The following TIMM23 variants were observed in gnomAD, a reference collection of about 807,000 sequenced individuals.
TIMM23 encodes translocase of inner mitochondrial membrane 23.
In TIMM23, 19 loss-of-function variants were observed where a neutral mutation model predicts 30.7. The ratio of observed to expected loss-of-function variants is 0.62; its 90% CI spans 0.43 to 0.91. TIMM23 has a LOEUF of 0.91. TIMM23 is among the 40% of genes least tolerant of loss of function. The pLI is 0.00. For missense variants in TIMM23, 202 were observed against 269.2 expected (o/e 0.75, Z 1.75); for synonymous variants, 78 against 98.5 (o/e 0.79, Z 1.23).
rs1243744392 is a variant in TIMM23 at position 45,982,545 on chromosome 10, C to T, written c.188C>T (p.Pro63Leu). The T allele has an allele frequency of 6.2e-7, 1 of 1,613,724 alleles. No individual in the cohort carries two copies. The highest frequency in any genetic ancestry group is 1.3e-5 in the African/African-American group (1 of 74,862). The change falls in exon 3 of 7, where the codon CCT becomes CTT. Residue 63 changes from proline (P) to leucine (L), a missense_variant. By Grantham distance (98) the Pro-to-Leu change is moderately conservative. Coordinates refer to ENST00000580018, the MANE Select transcript of TIMM23 (RefSeq NM_006327.4). ...LVQDTDEFIL[P>L]TGANKTRGRF... ...TAGGATACAGATGAGTTTATTTTACCTACCGGAGCTAATAAAACCCGGGGC... is the reference window on the plus strand; with the variant it reads ...TAGGATACAGATGAGTTTATTTTACTTACCGGAGCTAATAAAACCCGGGGC...
chr10:45,972,704 C>T lies in TIMM23; in HGVS notation c.80C>T (p.Ser27Leu), dbSNP rs1554911994. 1.2e-6 allele frequency: 2 copies of T among 1,613,956 alleles called. No individual in the cohort carries two copies. Among genetic ancestry groups the T allele is most frequent in the Admixed American group, 1.7e-5 (1 of 60,014 alleles). The change falls in exon 1 of 7, where the codon TCG becomes TTG. Residue 27 changes from serine (S) to leucine (L), a missense_variant. Physicochemically the swap from Ser to Leu is moderately radical, Grantham distance 145. Coordinates refer to ENST00000580018, the MANE Select transcript of TIMM23 (RefSeq NM_006327.4). The stretch of plus-strand genomic sequence containing the variant: ...TTCGGAGCCGGCGGAGCAGGTTACT[C>T]GCACGCGGATTTGGCTGGCGTCCCG... Reference protein sequence around the residue: ...GFFGAGGAGYSHADLAGVPLT... With the variant: ...GFFGAGGAGYLHADLAGVPLT...
intron 6 of TIMM23, among the ~76,000 whole-genome samples, chr10:46,001,337 A>G (rs369869641): frequency 6.6e-6 from 1 of 152,258 alleles, no homozygotes; most frequent in East Asian, 1.9e-4. Flanking sequence ...TGGGTTTCTT[A>G]AAAATGTTTT....
chr10:45,990,473 G>A (rs1334520790), intron 6 of TIMM23, among the ~76,000 whole-genome samples: 13 of 151,194 alleles, frequency 8.6e-5, no homozygotes, highest in African/African-American at 3.2e-4. Flanking sequence ...CCAGGCTGGA[G>A]TGCAGTGGCA....
At chr10:45,980,766 A>G (rs10909664) in intron 2 of TIMM23, among the ~76,000 whole-genome samples, 37 of 152,140 alleles carry the variant, frequency 2.4e-4, no homozygotes, top group African/African-American at 7.5e-4. Context: ...TATACATTCA[A>G]TATATTAACA....
At chr10:45,994,991 G>T (rs1400029094) in intron 6 of TIMM23, among the ~76,000 whole-genome samples, 4 of 151,898 alleles carry the variant, frequency 2.6e-5, no homozygotes, top group Non-Finnish European at 5.9e-5. Context: ...ACATTGATTT[G>T]CCTTTGTTAG....
Position 46,003,412 on chromosome 10 carries a change from A to C in TIMM23, c.*94A>C. 1 of 883,290 alleles carries C rather than the reference A, an allele frequency of 1.1e-6. No homozygotes were observed. The highest frequency in any genetic ancestry group is 1.8e-6 in the Non-Finnish European group (1 of 569,010). The allele number at this position is 883,290 out of a possible 1,614,324, so 54.7% of individuals were successfully genotyped here. On this transcript the variant is annotated 3_prime_UTR_variant, in exon 7 of 7. Transcript: ENST00000580018. The stretch of plus-strand genomic sequence containing the variant: ...AGTTATTCTCTCTCTTCTACCTACA[A>C]TTAGTTTGAAAAATTGGAGATTTTG...
At chr10:45,991,136 A>T (rs1554915658) in intron 6 of TIMM23, among the ~76,000 whole-genome samples, 1 of 152,230 alleles carries the variant, frequency 6.6e-6, no homozygotes, top group African/African-American at 2.4e-5. Context: ...AATAAATAAC[A>T]GTTGAGCCAG....
chr10:45,982,085 T>G (rs1271031624), intron 2 of TIMM23, among the ~76,000 whole-genome samples: 4 of 152,180 alleles, frequency 2.6e-5, no homozygotes, highest in African/African-American at 9.7e-5. Context: ...TCCAAACTGT[T>G]GTACTTTATT....
chr10:45,994,917 A>G, intron 6 of TIMM23, among the ~76,000 whole-genome samples: 1 of 152,124 alleles, frequency 6.6e-6, no homozygotes, highest in South Asian at 2.1e-4. Flanking sequence ...TTGTATTCCC[A>G]CCACACAAAA....
chr10:45,998,831 CTT>C (rs35752006), intron 6 of TIMM23, among the ~76,000 whole-genome samples: 14,596 of 125,126 alleles, frequency 0.12, 881 homozygotes, highest in African/African-American at 0.22. Flanking sequence ...TCCCAAATAT[CTT>C]TTTTTTTTTT....
At chr10:45,974,997 G>A (rs1461784917) in intron 1 of TIMM23, among the ~76,000 whole-genome samples, 1 of 151,916 alleles carries the variant, frequency 6.6e-6, no homozygotes, top group African/African-American at 2.4e-5. Context: ...AGTAATATGT[G>A]AAGGAACTGC....
Position 45,975,385 on chromosome 10 carries a change from G to A in TIMM23, c.107-69G>A, listed in dbSNP as rs1298916609. 4.5e-6 allele frequency: 7 copies of A among 1,559,730 alleles called. No individual in the cohort carries two copies. In the Admixed American group the frequency reaches 1.1e-4, roughly 25 times the overall value. On this transcript the variant is annotated intron_variant, in intron 1 of 6. Transcript: ENST00000580018. ...TTGCAAACACATGTAACAGTCAGGAGCTGGATTAACTCTAACTGGATTAAC... is the reference window on the plus strand; with the variant it reads ...TTGCAAACACATGTAACAGTCAGGAACTGGATTAACTCTAACTGGATTAAC...
At chr10:46,001,810 C>T (rs1010118006) in intron 6 of TIMM23, among the ~76,000 whole-genome samples, 5 of 152,170 alleles carry the variant, frequency 3.3e-5, no homozygotes, top group Non-Finnish European at 7.3e-5. Context: ...AGTTTTGTAG[C>T]TTGGTTTCTC....
chr10:45,993,244 C>CTTTTTTTTTTTTTTTTTTTTTTTTTTTT (rs782013689), intron 6 of TIMM23, among the ~76,000 whole-genome samples: 4 of 72,030 alleles, frequency 5.6e-5, no homozygotes, highest in African/African-American at 2.0e-4. Flanking sequence ...TCTACCATCA[C>CTTTTTTTTTTTTTTTTTTTTTTTTTTTT]TTTTTTTTTT....
rs1279409952 is a variant in TIMM23, at chr10:45,973,174, G to A, written c.106+444G>A. Among the ~76,000 whole-genome samples the A allele has an allele frequency of 1.8e-4, 6 of 33,536 alleles. No homozygotes were observed. In the East Asian group the frequency reaches 8.7e-3, roughly 49 times the overall value. The allele number at this position is 33,536 out of a possible 152,430, so 22.0% of individuals were successfully genotyped here. On this transcript the variant is annotated intron_variant, in intron 1 of 6. Transcript: ENST00000580018. The stretch of plus-strand genomic sequence containing the variant: ...GAATATTCAGTAATATTGTTTGTAA[G>A]TGAGAAATAAATGACTTGGGACAGG...
chr10:45,992,534 A>G, intron 6 of TIMM23: 3 of 433,872 alleles, frequency 6.9e-6, no homozygotes, highest in Non-Finnish European at 1.4e-5. Flanking sequence ...AGAAGGTAGC[A>G]ATCAAAATCC....
chr10:46,003,211 C>T lies in TIMM23; in HGVS notation c.523C>T (p.Arg175Ter), dbSNP rs782133184. The T allele has an allele frequency of 6.8e-6, 11 of 1,613,610 alleles. No homozygotes were observed. Among genetic ancestry groups the T allele is most frequent in the African/African-American group, 1.3e-5 (1 of 74,860 alleles). The change falls in exon 7 of 7, where the codon CGA becomes TGA. Residue 175 changes from arginine (R) to a stop codon, truncating the protein, a stop_gained. Transcript: ENST00000580018. LOFTEE classifies it high-confidence loss of function. ...GMLYKCTGGLRGIARGGLTGL... is the reference protein window; with the variant it reads ...GMLYKCTGGL ...TTGTCTCTGTTTCCCAGGTGGTCTT[C>T]GAGGGATAGCACGAGGTGGTCTGAC... is the stretch of plus-strand genomic sequence containing the variant.
At chr10:45,974,162 G>GTTT (rs1554912463) in intron 1 of TIMM23, among the ~76,000 whole-genome samples, 6 of 149,988 alleles carry the variant, frequency 4.0e-5, no homozygotes, top group African/African-American at 1.5e-4. Flanking sequence ...TTTTTGTGGG[G>GTTT]GTTTTTTTTG....
chr10:46,002,264 C>T (rs1838565784), intron 6 of TIMM23: 1 of 152,080 alleles, frequency 6.6e-6, no homozygotes, highest in Admixed American at 6.6e-5. Flanking sequence ...CAGCCTCGAC[C>T]TCCTGGGCTC....
Sources: gnomAD v4.1 joint callset for allele counts (sites outside exome capture counted in the v4.1 genomes callset) on GRCh38, gnomAD v4.1.1 for gene constraint, MANE v1.5 for transcripts, NCBI Gene and HGNC (gene_info 2026-07-23, HGNC 2026-07-21) for gene names.